The following RIOX2 variants were observed in gnomAD, a reference collection of about 807,000 sequenced individuals.
The protein encoded by RIOX2 is 60S ribosomal protein L27a histidine hydroxylase.
A neutral mutation model predicts 51.2 loss-of-function variants in RIOX2; 43 were observed. The ratio of observed to expected loss-of-function variants is 0.84; its 90% CI spans 0.66 to 1.08. The LOEUF (loss-of-function observed/expected upper bound fraction) is 1.08, where lower values mean the gene tolerates loss of function less well. Among genes scored for constraint, RIOX2 ranks in the 50% least tolerant of loss-of-function variants. The pLI is 0.00. For missense variants in RIOX2, 566 were observed against 561.7 expected, an observed-to-expected ratio of 1.01 and a Z score of -0.08; for synonymous variants, 226 against 218.5, an observed-to-expected ratio of 1.03 and a Z score of -0.30.
Position 97,946,586 on chromosome 3 carries a change from G to GTATATATATATATATA in RIOX2, c.1150-715_1150-700dup, listed in dbSNP as rs4061087. On this transcript the variant is annotated intron_variant, in intron 8 of 9. Transcript: ENST00000394198. The stretch of plus-strand genomic sequence containing the variant: ...TGTAGGAATGTGTACTTTTGAGGAT[G>GTATATATATATATATA]TATATATATATATATATATATCTAT... 6.0e-3 allele frequency among the ~76,000 whole-genome samples: 764 copies of GTATATATATATATATA among 127,476 alleles called. 7 individuals carry two copies. The highest frequency in any genetic ancestry group is 7.9e-3 in the Middle Eastern group (2 of 252). The allele number at this position is 127,476 out of a possible 152,430, so 83.6% of individuals were successfully genotyped here.
intron 3 of RIOX2, among the ~76,000 whole-genome samples, chr3:97,960,409 T>C (rs1330285852): frequency 6.6e-6 from 1 of 152,206 alleles, no homozygotes; most frequent in African/African-American, 2.4e-5. Flanking sequence ...AAGAATAAAG[T>C]ATATAACACA....
At chr3:97,957,045 G>A (rs1003578365) in intron 4 of RIOX2, among the ~76,000 whole-genome samples, 4 of 152,270 alleles carry the variant, frequency 2.6e-5, no homozygotes, top group East Asian at 3.9e-4. Flanking sequence ...CAGATGAACT[G>A]CACGGGCTGC....
Position 97,950,799 on chromosome 3 carries a change from C to T in RIOX2, c.875G>A (p.Arg292Gln), listed in dbSNP as rs750636799. The T allele has an allele frequency of 1.3e-5, 21 of 1,613,402 alleles. No individual in the cohort carries two copies. Among genetic ancestry groups the T allele is most frequent in the African/African-American group, 1.3e-5 (1 of 74,840 alleles). Residue 292 changes from arginine (R) to glutamine (Q), a missense_variant, in exon 6 of 10, where the codon CGG becomes CAG. Transcript: ENST00000394198. ...TTTACTCCTTACCAGGAGCAGCTGC[C>T]GGGGTATGCCGGTCCGTAACTCCAC... ...EDVELRTGIP[R>Q]QLLLQVESTT... is the part of the protein sequence containing the mutation.
intron 5 of RIOX2, chr3:97,952,352 C>A (rs1705284669): frequency 1.6e-6 from 1 of 642,684 alleles, no homozygotes; most frequent in Non-Finnish European, 2.5e-6. Context: ...AAGCTCTTCC[C>A]AGCCCCAGCT....
At chr3:97,954,612 ACCT>A (rs1705388284) in intron 4 of RIOX2, 117 bp from the exon 5 acceptor site, 1 of 786,486 alleles carries the variant, frequency 1.3e-6, no homozygotes, top group Admixed American at 2.1e-5. Flanking sequence ...AGAAACCACA[ACCT>A]CAAGGCACAG....
chr3:97,954,028 A>C (rs78409927), intron 5 of RIOX2: 4,066 of 180,498 alleles, frequency 0.023, 158 homozygotes, highest in African/African-American at 0.089. Context: ...TTAAAATGGT[A>C]TATTTTATGT....
chr3:97,964,066 C>T (rs1315561687), intron 2 of RIOX2, among the ~76,000 whole-genome samples: 1 of 152,168 alleles, frequency 6.6e-6, no homozygotes, highest in Admixed American at 6.5e-5. Flanking sequence ...CCTGTCTTCT[C>T]CTTTACCACA....
rs1452770565 is a variant in RIOX2 at position 97,943,909 on chromosome 3, T to A, written c.*1275A>T. 2 of 151,998 alleles carry A rather than the reference T, an allele frequency of 1.3e-5. No homozygotes were observed. The highest frequency in any genetic ancestry group is 3.9e-4 in the East Asian group (2 of 5,172). The allele number at this position is 151,998 out of a possible 1,614,324, so 9.4% of individuals were successfully genotyped here. A position where few individuals can be genotyped will look rare whatever the true frequency, so the allele number is the denominator to read the frequency against. On this transcript the variant is annotated 3_prime_UTR_variant, in exon 10 of 10. Transcript: ENST00000394198. ...CCCCAGGCAGGGACCTCAGCTTTGT[T>A]AGGAATAAGGCACAAGAAGTATTTT...
intron 1 of RIOX2, among the ~76,000 whole-genome samples, chr3:97,967,839 T>A (rs1271350184): frequency 6.6e-6 from 1 of 152,206 alleles, no homozygotes; most frequent in African/African-American, 2.4e-5. Context: ...ACCACTCAGA[T>A]GACATATTCA....
intron 2 of RIOX2, among the ~76,000 whole-genome samples, chr3:97,962,622 A>G (rs901157314): frequency 3.9e-5 from 6 of 152,168 alleles, no homozygotes; most frequent in African/African-American, 1.2e-4. Flanking sequence ...AGGAGAGAGA[A>G]GGAAGTCTGA....
At chr3:97,968,115 A>G (rs1243924548) in intron 1 of RIOX2, among the ~76,000 whole-genome samples, 28 of 152,038 alleles carry the variant, frequency 1.8e-4, no homozygotes, top group Admixed American at 1.8e-3. Context: ...GGTGCTCCTC[A>G]CCGCAGCACC....
rs764665967 is a variant in RIOX2, at chr3:97,967,195, T to C, written c.399A>G (p.Ala133=). 1.2e-6 allele frequency: 2 copies of C among 1,614,140 alleles called. No homozygotes were observed. The highest frequency in any genetic ancestry group is 3.3e-5 in the Admixed American group (2 of 60,012). The change falls in exon 2 of 10, where the codon GCA becomes GCG. Residue 133 remains alanine (A), a synonymous_variant. Coordinates refer to ENST00000394198, the MANE Select transcript of RIOX2 (RefSeq NM_153182.4). ...TCTGAGGTTGGTGAAACTGAATCGT[T>C]GCCCTTTTCTGATCAAAATCTTTTC... ...QLRKDFDQKR[A]TIQFHQPQRF...
chr3:97,944,714 T>C lies in RIOX2; in HGVS notation c.*470A>G, dbSNP rs1424502754. ...GAAGTATTATTTAATAAAATTTATG[T>C]TACAGGATAACTTTATTTTAATGGG... On this transcript the variant is annotated 3_prime_UTR_variant, in exon 10 of 10. Coordinates refer to ENST00000394198, the MANE Select transcript of RIOX2 (RefSeq NM_153182.4). The C allele has an allele frequency of 1.3e-5, 2 of 152,428 alleles. No individual in the cohort carries two copies. Among genetic ancestry groups the C allele is most frequent in the African/African-American group, 2.4e-5 (1 of 41,392 alleles). The allele number at this position is 152,428 out of a possible 1,614,324, so 9.4% of individuals were successfully genotyped here.
intron 9 of RIOX2, 162 bp from the exon 10 acceptor site, chr3:97,945,504 T>C: frequency 4.6e-6 from 3 of 649,914 alleles, no homozygotes; most frequent in Non-Finnish European, 7.7e-6. Flanking sequence ...CCAACTTCTA[T>C]ATAAAAGGCA....
At chr3:97,950,983 A>T in intron 5 of RIOX2, 95 bp from the exon 6 acceptor site, 2 of 833,342 alleles carry the variant, frequency 2.4e-6, no homozygotes, top group Admixed American at 4.2e-5. Flanking sequence ...CAAAAGCTAC[A>T]AATTGGATTA....
At position 97,943,300 on chromosome 3, in the gene RIOX2, A is replaced by G; in HGVS notation, c.*1884T>C. 6.4e-7 allele frequency: 1 copy of G among 1,564,312 alleles called. No homozygotes were observed. Among genetic ancestry groups the G allele is most frequent in the South Asian group, 1.1e-5 (1 of 89,510 alleles). Reference sequence around the variant, plus strand: ...GGGAGAAGAAACACAGAAATGGGACATTGAAATATTGTGAGAGAATCAACA... The same window carrying G: ...GGGAGAAGAAACACAGAAATGGGACGTTGAAATATTGTGAGAGAATCAACA... On this transcript the variant is annotated 3_prime_UTR_variant, in exon 10 of 10. Coordinates refer to ENST00000394198, the MANE Select transcript of RIOX2 (RefSeq NM_153182.4).
At position 97,967,389 on chromosome 3, in the gene RIOX2, C is replaced by G. The variant is rs1458853362; in HGVS notation, c.205G>C (p.Asp69His). The change falls in exon 2 of 10, where the codon GAT (aspartate) becomes CAT (histidine). Residue 69 changes from aspartate to histidine, a missense_variant. Transcript: ENST00000394198. ...WEQKPLLIQR[D>H]DPALATYYGS... ...TAGTATGTGGCCAGTGCAGGGTCAT[C>G]TCTCTGAATGAGAAGGGGCTTCTGC... The G allele has an allele frequency of 6.2e-7, 1 of 1,614,176 alleles. No individual in the cohort carries two copies. The highest frequency in any genetic ancestry group is 8.5e-7 in the Non-Finnish European group (1 of 1,180,028).
In RIOX2 at chr3:97,961,588, C is replaced by A. The variant is rs775509881; in HGVS notation, c.552+1G>T. ...ATGGGGCAATTTTCTCCATCTCTTA[C>A]CTCGACATCATCATAATGGGGCGGC... On this transcript the variant is annotated splice_donor_variant, in intron 3 of 9. Transcript: ENST00000394198. LOFTEE classifies it high-confidence loss of function. The A allele has an allele frequency of 3.1e-6, 5 of 1,596,982 alleles. No individual in the cohort carries two copies. The South Asian group carries it at 4.6e-5, about 15-fold the overall frequency.
chr3:97,948,642 T>C (rs1175053615), intron 7 of RIOX2, among the ~76,000 whole-genome samples: 1 of 152,188 alleles, frequency 6.6e-6, no homozygotes, highest in Non-Finnish European at 1.5e-5. Flanking sequence ...TCCTCCTGCC[T>C]ACCAGATAAC....
Sources: allele counts gnomAD v4.1 joint callset (sites outside exome capture counted in the v4.1 genomes callset), GRCh38; gene constraint gnomAD v4.1.1; transcripts MANE v1.5; gene names NCBI Gene and HGNC (gene_info 2026-07-23, HGNC 2026-07-21).